Variants in RAD54B observed in about 807,000 individuals in gnomAD.
RAD54B encodes DNA repair and recombination protein RAD54B.
RAD54B carries 78 observed loss-of-function variants against 95.8 expected under a neutral mutation model. The ratio of observed to expected loss-of-function variants is 0.81; its 90% CI spans 0.68 to 0.98. The LOEUF is 0.98. Among genes scored for constraint, RAD54B ranks in the 50% least tolerant of loss-of-function variants. The pLI, the probability that RAD54B is intolerant of heterozygous loss-of-function variation, is 0.00. For synonymous variants in RAD54B, 328 were observed against 354.9 expected (o/e 0.92, Z 0.85); for missense variants, 957 against 1,056.6 (o/e 0.91, Z 1.31).
chr8:94,463,469 T>C (rs549882573), intron 2 of RAD54B, among the ~76,000 whole-genome samples: 124 of 152,124 alleles, frequency 8.2e-4, no homozygotes, highest in Non-Finnish European at 1.5e-3. Context: ...CATACATTGA[T>C]GGTAAGAATG....
intron 2 of RAD54B, among the ~76,000 whole-genome samples, chr8:94,460,408 T>C (rs569534091): frequency 1.3e-5 from 2 of 152,056 alleles, no homozygotes; most frequent in East Asian, 1.9e-4. Context: ...GAGGCCAAGG[T>C]TGCAGCAAGC....
chr8:94,422,801 A>G (rs965597429), intron 3 of RAD54B, among the ~76,000 whole-genome samples: 1 of 145,592 alleles, frequency 6.9e-6, no homozygotes, highest in African/African-American at 2.5e-5. Flanking sequence ...TTATTCTGGA[A>G]CATAGCAAAT....
Position 94,372,371 on chromosome 8 carries a change from T to C in RAD54B, c.2532A>G (p.Lys844=). 1.2e-6 allele frequency: 2 copies of C among 1,612,920 alleles called. No homozygotes were observed. Among genetic ancestry groups the C allele is most frequent in the Non-Finnish European group, 1.7e-6 (2 of 1,179,752 alleles). ...EEVHTGDSLE[K]FIVSRDCQLG... Reference sequence around the variant, plus strand: ...GCTGACAATCTCTAGAGACAATGAATTTTTCCAACGAATCACCTGTAATAA... The same window carrying C: ...GCTGACAATCTCTAGAGACAATGAACTTTTCCAACGAATCACCTGTAATAA... Residue 844 remains lysine (K), a synonymous_variant, in exon 15 of 15, where the codon AAA becomes AAG. Coordinates refer to ENST00000336148, the MANE Select transcript of RAD54B (RefSeq NM_012415.3).
At chr8:94,431,052 C>T in intron 3 of RAD54B, 1 of 985,350 alleles carries the variant, frequency 1.0e-6, no homozygotes. Context: ...TACAACTTGG[C>T]TTAAAAATCC....
chr8:94,372,045 C>G lies in RAD54B; in HGVS notation c.*125G>C. 7.1e-7 allele frequency: 1 copy of G among 1,408,098 alleles called. No homozygotes were observed. 87.2% of individuals were successfully genotyped at this position (1,408,098 alleles called of 1,614,324 possible). Reference sequence around the variant, plus strand: ...AACCACTCAATTTTGACTATTGTATCAAAAGTGATATATTTTGCAACATAT... The same window carrying G: ...AACCACTCAATTTTGACTATTGTATGAAAAGTGATATATTTTGCAACATAT... On this transcript the variant is annotated 3_prime_UTR_variant, in exon 15 of 15. Coordinates refer to ENST00000336148, the MANE Select transcript of RAD54B (RefSeq NM_012415.3).
At chr8:94,374,950 G>A (rs1402478631) in intron 14 of RAD54B, among the ~76,000 whole-genome samples, 3 of 152,128 alleles carry the variant, frequency 2.0e-5, no homozygotes, top group African/African-American at 7.2e-5. Flanking sequence ...CGTAATAAGA[G>A]AATAGCAAAT....
At chr8:94,411,867 C>A (rs1002886981) in intron 3 of RAD54B, among the ~76,000 whole-genome samples, 1 of 152,076 alleles carries the variant, frequency 6.6e-6, no homozygotes, top group African/African-American at 2.4e-5. Context: ...CATTACCTCA[C>A]ATACTTTTTG....
intron 14 of RAD54B, 139 bp from the exon 15 acceptor site, chr8:94,372,526 CT>C (rs1810466565): frequency 2.1e-6 from 3 of 1,410,296 alleles, no homozygotes; most frequent in African/African-American, 1.5e-5. Context: ...CAAATTCATT[CT>C]TTTTACAAAC....
intron 11 of RAD54B, among the ~76,000 whole-genome samples, chr8:94,384,770 G>C (rs1270901480): frequency 6.6e-6 from 1 of 152,074 alleles, no homozygotes; most frequent in Admixed American, 6.6e-5. Flanking sequence ...TGAAAGTGTA[G>C]CTTCTCCTTC....
chr8:94,457,282 T>C (rs933436331), intron 3 of RAD54B, among the ~76,000 whole-genome samples: 8 of 152,246 alleles, frequency 5.3e-5, no homozygotes, highest in Admixed American at 3.9e-4. Context: ...GTCAGTAAGA[T>C]AGAGCAGAGC....
chr8:94,449,865 C>G lies in RAD54B; in HGVS notation c.304+8403G>C, dbSNP rs368870201. Among the ~76,000 whole-genome samples, 6 of 152,244 alleles carry G rather than the reference C, an allele frequency of 3.9e-5. No individual in the cohort carries two copies. In the East Asian group the frequency reaches 9.6e-4, roughly 24 times the overall value. ...CAGTGTATAGGTTTCCTCAAAAGCCCTTCTTAATCCTGACAACTAGGACAA... is the reference window on the plus strand; with the variant it reads ...CAGTGTATAGGTTTCCTCAAAAGCCGTTCTTAATCCTGACAACTAGGACAA... On this transcript the variant is annotated intron_variant, in intron 3 of 14. Coordinates refer to ENST00000336148, the MANE Select transcript of RAD54B (RefSeq NM_012415.3).
intron 3 of RAD54B, among the ~76,000 whole-genome samples, chr8:94,447,986 C>A (rs2130152150): frequency 6.6e-6 from 1 of 152,294 alleles, no homozygotes; most frequent in Middle Eastern, 3.4e-3. Flanking sequence ...TTTATCGATA[C>A]TTGAACCAAA....
At chr8:94,471,186 A>G (rs1315738026) in intron 1 of RAD54B, among the ~76,000 whole-genome samples, 1 of 150,994 alleles carries the variant, frequency 6.6e-6, no homozygotes, top group Admixed American at 6.6e-5. Flanking sequence ...AATCTTACGT[A>G]CAATTCATCA....
chr8:94,397,389 T>C (rs1054481424), intron 8 of RAD54B, among the ~76,000 whole-genome samples: 31 of 152,056 alleles, frequency 2.0e-4, no homozygotes, highest in Admixed American at 1.7e-3. Flanking sequence ...TTAGGGCTAG[T>C]TTTTACCTAA....
At chr8:94,381,163 G>C (rs1038822274) in intron 11 of RAD54B, among the ~76,000 whole-genome samples, 18 of 152,204 alleles carry the variant, frequency 1.2e-4, no homozygotes, top group Non-Finnish European at 2.1e-4. Context: ...TCTAGATACT[G>C]AATAAGATCC....
intron 3 of RAD54B, among the ~76,000 whole-genome samples, chr8:94,457,422 A>G (rs1812802404): frequency 6.6e-6 from 1 of 152,226 alleles, no homozygotes; most frequent in African/African-American, 2.4e-5. Flanking sequence ...AAATGGCACC[A>G]AGATAATGGC....
chr8:94,400,211 C>T (rs766988719), intron 7 of RAD54B, 27 bp downstream of exon 7: 3 of 1,581,246 alleles, frequency 1.9e-6, no homozygotes, highest in Non-Finnish European at 2.6e-6. Context: ...TTTTAAATGA[C>T]TAAGGCTAAA....
At chr8:94,450,130 G>A (rs565156706) in intron 3 of RAD54B, among the ~76,000 whole-genome samples, 2 of 152,254 alleles carry the variant, frequency 1.3e-5, no homozygotes, top group Admixed American at 1.3e-4. Context: ...TGTCTGTGGA[G>A]AATTTTCTAT....
intron 6 of RAD54B, among the ~76,000 whole-genome samples, chr8:94,402,868 A>G (rs1416819795): frequency 6.6e-6 from 1 of 152,224 alleles, no homozygotes; most frequent in African/African-American, 2.4e-5. Flanking sequence ...ATCGGTTACT[A>G]GAGATGCTGC....
Sources: gnomAD v4.1 joint callset for allele counts (sites outside exome capture counted in the v4.1 genomes callset) on GRCh38, gnomAD v4.1.1 for gene constraint, MANE v1.5 for transcripts, NCBI Gene and HGNC (gene_info 2026-07-23, HGNC 2026-07-21) for gene names.